Variants in CMIP observed in about 807,000 individuals in gnomAD.
CMIP encodes C-Maf-inducing protein.
Under a neutral mutation model 97.3 loss-of-function variants are expected in CMIP, and 13 were observed. That is an observed-to-expected ratio of 0.13 (90% CI 0.09 to 0.21). CMIP has a LOEUF of 0.21. Among genes scored for constraint, CMIP ranks in the 10% least tolerant of loss-of-function variants. The pLI is 1.00. For synonymous variants in CMIP, 538 were observed against 436.3 expected, an observed-to-expected ratio of 1.23 and a Z score of -2.91; for missense variants, 847 against 1,024.9, an observed-to-expected ratio of 0.83 and a Z score of 2.37.
chr16:81,454,668 G>A (rs1906436929), intron 1 of CMIP, among the ~76,000 whole-genome samples: 1 of 152,190 alleles, frequency 6.6e-6, no homozygotes, highest in Non-Finnish European at 1.5e-5. Context: ...CATGGCACTT[G>A]GAAAGTCAGA....
intron 1 of CMIP, among the ~76,000 whole-genome samples, chr16:81,580,263 A>G (rs2091273136): frequency 6.6e-6 from 1 of 152,182 alleles, no homozygotes; most frequent in African/African-American, 2.4e-5. Context: ...GAATCAGAGA[A>G]GCGAGGTGCC....
intron 1 of CMIP, among the ~76,000 whole-genome samples, chr16:81,587,279 C>G (rs550906723): frequency 6.6e-6 from 1 of 152,326 alleles, no homozygotes; most frequent in African/African-American, 2.4e-5. Context: ...CATTCCTGGG[C>G]TGTACCAGCG....
chr16:81,631,340 C>T (rs1266708854), intron 3 of CMIP: 1 of 152,142 alleles, frequency 6.6e-6, no homozygotes, highest in Non-Finnish European at 1.5e-5. Flanking sequence ...GGAGGATGGG[C>T]CTTTTGGCCT....
intron 1 of CMIP, among the ~76,000 whole-genome samples, chr16:81,602,541 A>AT (rs1283288912): frequency 2.0e-5 from 3 of 152,186 alleles, no homozygotes; most frequent in Admixed American, 1.3e-4. Flanking sequence ...CCCACAGTCA[A>AT]TACAGAGAAT....
At chr16:81,491,226 G>A (rs901523636) in intron 1 of CMIP, among the ~76,000 whole-genome samples, 1 of 152,214 alleles carries the variant, frequency 6.6e-6, no homozygotes, top group African/African-American at 2.4e-5. Flanking sequence ...GGGGGCTGGA[G>A]TGCCGGTGTC....
chr16:81,484,735 G>T (rs2089289419), intron 1 of CMIP, among the ~76,000 whole-genome samples: 1 of 152,186 alleles, frequency 6.6e-6, no homozygotes, highest in Non-Finnish European at 1.5e-5. Context: ...TGCTCTGGAT[G>T]GGGCTGGAAG....
chr16:81,459,666 G>T (rs1369790888), intron 1 of CMIP, among the ~76,000 whole-genome samples: 1 of 152,186 alleles, frequency 6.6e-6, no homozygotes, highest in East Asian at 1.9e-4. Flanking sequence ...TCTGACTGGT[G>T]GCCTCCGGTC....
intron 17 of CMIP, 47 bp from the exon 18 acceptor site, chr16:81,703,884 AGGGTCTCG>A (rs1447735852): frequency 1.2e-5 from 18 of 1,547,732 alleles, no homozygotes; most frequent in Non-Finnish European, 1.5e-5. Flanking sequence ...AGGAGGGCTC[AGGGTCTCG>A]GGAACTCCCA....
At chr16:81,676,139 C>T (rs1253325744) in intron 9 of CMIP, among the ~76,000 whole-genome samples, 2 of 152,102 alleles carry the variant, frequency 1.3e-5, no homozygotes, top group South Asian at 2.1e-4. Context: ...AGGTTGGAGG[C>T]GTGGCGAGGG....
chr16:81,485,910 C>T (rs2089306860), intron 1 of CMIP, among the ~76,000 whole-genome samples: 1 of 152,232 alleles, frequency 6.6e-6, no homozygotes, highest in Non-Finnish European at 1.5e-5. Flanking sequence ...GAGTACCCAG[C>T]TCTCCCCTGG....
intron 1 of CMIP, among the ~76,000 whole-genome samples, chr16:81,528,216 A>G (rs570037140): frequency 6.6e-6 from 1 of 152,338 alleles, no homozygotes; most frequent in African/African-American, 2.4e-5. Context: ...ACAACTTCAT[A>G]GAAAAATAGT....
At chr16:81,543,288 C>G (rs2090482253) in intron 1 of CMIP, among the ~76,000 whole-genome samples, 2 of 152,206 alleles carry the variant, frequency 1.3e-5, no homozygotes. Context: ...ACCCTCTCCT[C>G]CCTTCCCTAA....
At chr16:81,603,580 C>T (rs2091693329) in intron 1 of CMIP, among the ~76,000 whole-genome samples, 1 of 152,170 alleles carries the variant, frequency 6.6e-6, no homozygotes, top group Admixed American at 6.5e-5. Flanking sequence ...TATTAGGTTT[C>T]TTTAGGTTTT....
At chr16:81,585,643 A>G (rs774537001) in intron 1 of CMIP, among the ~76,000 whole-genome samples, 7 of 151,226 alleles carry the variant, frequency 4.6e-5, no homozygotes, top group Non-Finnish European at 8.9e-5. Flanking sequence ...AGCGTGTGTC[A>G]GTACAAATTT....
intron 1 of CMIP, among the ~76,000 whole-genome samples, chr16:81,575,906 A>G (rs1398727325): frequency 1.3e-5 from 2 of 152,322 alleles, no homozygotes; most frequent in East Asian, 1.9e-4. Flanking sequence ...ACTTGGATAC[A>G]TTTAGTAGAC....
intron 1 of CMIP, among the ~76,000 whole-genome samples, chr16:81,490,034 G>A (rs2089380991): frequency 6.6e-6 from 1 of 152,192 alleles, no homozygotes; most frequent in Non-Finnish European, 1.5e-5. Context: ...GAGTGAGAGG[G>A]GAAGTGAGAG....
intron 13 of CMIP, among the ~76,000 whole-genome samples, chr16:81,694,948 C>G (rs1906535166): frequency 6.6e-6 from 1 of 152,214 alleles, no homozygotes; most frequent in Non-Finnish European, 1.5e-5. Flanking sequence ...AAACTTAAGT[C>G]TTTCCTTGCC....
chr16:81,484,583 G>A (rs995894475), intron 1 of CMIP, among the ~76,000 whole-genome samples: 14 of 152,098 alleles, frequency 9.2e-5, no homozygotes, highest in South Asian at 2.1e-4. Context: ...GCAGGAGTGG[G>A]TTTTTGTAGT....
chr16:81,521,385 C>T (rs1018412883), intron 1 of CMIP, among the ~76,000 whole-genome samples: 1 of 151,850 alleles, frequency 6.6e-6, no homozygotes, highest in Admixed American at 6.5e-5. Flanking sequence ...CCACCCCCCC[C>T]CGAATAGCAA....
Sources: allele counts gnomAD v4.1 joint callset (sites outside exome capture counted in the v4.1 genomes callset), GRCh38; gene constraint gnomAD v4.1.1; transcripts MANE v1.5; gene names NCBI Gene and HGNC (gene_info 2026-07-23, HGNC 2026-07-21).